The following HERC1 variants were observed in gnomAD, a reference collection of about 807,000 sequenced individuals.
HERC1 encodes probable E3 ubiquitin-protein ligase HERC1.
A neutral mutation model predicts 554.3 loss-of-function variants in HERC1; 160 were observed. The ratio of observed to expected loss-of-function variants is 0.29; its 90% CI spans 0.25 to 0.33. HERC1 has a LOEUF of 0.33. Among genes scored for constraint, HERC1 ranks in the 10% least tolerant of loss-of-function variants. The pLI is 1.00. For synonymous variants in HERC1, 2,175 were observed against 2,131.7 expected, an observed-to-expected ratio of 1.02 and a Z score of -0.56; for missense variants, 4,919 against 5,918.5, an observed-to-expected ratio of 0.83 and a Z score of 5.54.
intron 1 of HERC1, among the ~76,000 whole-genome samples, chr15:63,820,747 T>G (rs1328629543): frequency 6.6e-6 from 1 of 152,190 alleles, no homozygotes; most frequent in Non-Finnish European, 1.5e-5. Flanking sequence ...TGAACTCCTG[T>G]GCTCAAGCAG....
intron 1 of HERC1, among the ~76,000 whole-genome samples, chr15:63,813,046 A>G (rs906681562): frequency 6.6e-6 from 1 of 152,220 alleles, no homozygotes; most frequent in Non-Finnish European, 1.5e-5. Flanking sequence ...TCAACTTACA[A>G]TCAACGATAT....
rs936965128 is a variant in HERC1 at position 63,776,491 on chromosome 15, C to A, written c.-26-842G>T. On this transcript the variant is annotated intron_variant, in intron 1 of 77. Transcript: ENST00000443617. ...ACATATATCTAACCCTATGACCCAA[C>A]AATTCCTCTTCTAAAGATTTATCCA... Among the ~76,000 whole-genome samples, 6 of 152,316 alleles carry A rather than the reference C, an allele frequency of 3.9e-5. No individual in the cohort carries two copies. In the East Asian group the frequency reaches 1.2e-3, roughly 29 times the overall value.
At position 63,725,408 on chromosome 15, in the gene HERC1, C is replaced by G; in HGVS notation, c.3452G>C (p.Arg1151Pro). ...LERTIALLIG[R>P]CLGGMLQGSP... ...GCCCTGAAGCATGCCACCAAGACAC[C>G]GCCCAATAAGGAGAGCAATTGTTCT... The change falls in exon 18 of 78, where the codon CGG becomes CCG. Residue 1151 changes from arginine (R) to proline (P), a missense_variant. Physicochemically the swap from Arg to Pro is moderately radical, Grantham distance 103. This residue lies in a region of HERC1 where 1,121 missense variants were observed against 1,244.0 expected (regional missense o/e 0.90). Coordinates refer to ENST00000443617, the MANE Select transcript of HERC1 (RefSeq NM_003922.4). 1 of 1,613,866 alleles carries G rather than the reference C, an allele frequency of 6.2e-7. No homozygotes were observed. Among genetic ancestry groups the G allele is most frequent in the Non-Finnish European group, 8.5e-7 (1 of 1,179,840 alleles).
chr15:63,755,382 T>C (rs953956399), intron 5 of HERC1, 57 bp from the exon 6 acceptor site: 2 of 1,241,954 alleles, frequency 1.6e-6, no homozygotes, highest in South Asian at 1.2e-5. Flanking sequence ...ATATAGTCCG[T>C]ATTTGATCCT....
Position 63,809,166 on chromosome 15 carries a change from G to T in HERC1, c.-27+24661C>A, listed in dbSNP as rs534295196. Among the ~76,000 whole-genome samples the T allele has an allele frequency of 3.3e-5, 5 of 152,276 alleles. No homozygotes were observed. In the East Asian group the frequency reaches 9.6e-4, roughly 29 times the overall value. The stretch of plus-strand genomic sequence containing the variant: ...ATCAAAAGAAATAGGGATGGAGGGG[G>T]AAGACACAATAGTATCAACCACTGA... On this transcript the variant is annotated intron_variant, in intron 1 of 77. Transcript: ENST00000443617.
At position 63,734,044 on chromosome 15, in the gene HERC1, G is replaced by C. The variant is rs1278420779; in HGVS notation, c.2646+680C>G. On this transcript the variant is annotated intron_variant, in intron 13 of 77. Coordinates refer to ENST00000443617, the MANE Select transcript of HERC1 (RefSeq NM_003922.4). The surrounding 1 kb of genome is among the most constrained non-coding windows in gnomAD (Gnocchi z 4.6). ...TAGCCGGGTGTGGTGGCACGTGCCAGCAGTCTTAGCTACTCCAGAGGCCAA... is the reference window on the plus strand; with the variant it reads ...TAGCCGGGTGTGGTGGCACGTGCCACCAGTCTTAGCTACTCCAGAGGCCAA... Among the ~76,000 whole-genome samples, 1 of 152,034 alleles carries C rather than the reference G, an allele frequency of 6.6e-6. No individual in the cohort carries two copies. Among genetic ancestry groups the C allele is most frequent in the African/African-American group, 2.4e-5 (1 of 41,388 alleles).
At chr15:63,785,742 C>G (rs914244170) in intron 1 of HERC1, among the ~76,000 whole-genome samples, 1 of 151,786 alleles carries the variant, frequency 6.6e-6, no homozygotes, top group Non-Finnish European at 1.5e-5. Flanking sequence ...ACACTGCAGC[C>G]TGGTCAACAG....
chr15:63,628,154 G>A (rs1436424862), intron 70 of HERC1, among the ~76,000 whole-genome samples: 1 of 152,174 alleles, frequency 6.6e-6, no homozygotes, highest in Non-Finnish European at 1.5e-5. Context: ...ACTTTGGGAG[G>A]CTGAGGCGGG....
Position 63,747,848 on chromosome 15 carries a change from C to T in HERC1, c.2230G>A (p.Ala744Thr). Residue 744 changes from alanine (A) to threonine (T), a missense_variant, in exon 11 of 78, where the codon GCA (alanine) becomes ACA (threonine). By Grantham distance (58) the Ala-to-Thr change is moderately conservative. Transcript: ENST00000443617. ...TCTACACAATAAGGTCGGTGCCATG[C>T]AACAACTTGTCTAGAAGGACACATA... is the stretch of plus-strand genomic sequence containing the variant. ...TALPRDRQVV[A>T]WHRPYCVDLE... 6.5e-7 allele frequency: 1 copy of T among 1,547,600 alleles called. No homozygotes were observed. The highest frequency in any genetic ancestry group is 8.7e-7 in the Non-Finnish European group (1 of 1,144,982).
chr15:63,710,763 G>A (rs2073250575), intron 24 of HERC1, among the ~76,000 whole-genome samples: 1 of 152,284 alleles, frequency 6.6e-6, no homozygotes, highest in South Asian at 2.1e-4. Context: ...AGAAAGAGAG[G>A]GAGTTAGCCA....
At chr15:63,616,791 C>T (rs1263007311) in intron 74 of HERC1, 109 bp from the exon 75 acceptor site, 3 of 941,938 alleles carry the variant, frequency 3.2e-6, no homozygotes, top group Non-Finnish European at 3.2e-6. Context: ...TTCAATATGG[C>T]ATCCATTAGC....
chr15:63,690,771 C>G (rs2072059424), intron 31 of HERC1, 124 bp from the exon 32 acceptor site: 1 of 635,816 alleles, frequency 1.6e-6, no homozygotes, highest in African/African-American at 1.8e-5. Flanking sequence ...TGATTTCAAA[C>G]TATTATCGCA....
intron 1 of HERC1, among the ~76,000 whole-genome samples, chr15:63,823,986 G>A (rs940943626): frequency 5.3e-5 from 8 of 152,176 alleles, no homozygotes; most frequent in African/African-American, 1.7e-4. Context: ...ATTTTAAGAC[G>A]GGCAAATGAC....
At chr15:63,675,169 G>C in intron 37 of HERC1, 52 bp from the exon 38 acceptor site, 3 of 1,460,948 alleles carry the variant, frequency 2.1e-6, no homozygotes, top group Non-Finnish European at 2.8e-6. Flanking sequence ...GGAAAGACGG[G>C]AGGAAGGTAC....
chr15:63,730,129 ATCAAGCTACT>A (rs1290946252), intron 14 of HERC1, among the ~76,000 whole-genome samples: 2 of 150,196 alleles, frequency 1.3e-5, no homozygotes, highest in Non-Finnish European at 3.0e-5. Context: ...GGTAAAATTC[ATCAAGCTACT>A]TCTATTTGTT....
intron 12 of HERC1, among the ~76,000 whole-genome samples, chr15:63,735,400 G>T (rs1419558155): frequency 4.3e-5 from 5 of 115,014 alleles, no homozygotes; most frequent in African/African-American, 6.6e-5. Flanking sequence ...GTTGTGGGGT[G>T]GGGGGAGGGG....
chr15:63,696,133 A>C lies in HERC1; in HGVS notation c.5112T>G (p.His1704Gln). The change falls in exon 27 of 78, where the codon CAT (histidine) becomes CAG (glutamine). Residue 1704 changes from histidine (H) to glutamine (Q), a missense_variant. By Grantham distance (24) the His-to-Gln change is conservative (BLOSUM62 0). This residue lies in a region of HERC1 where 1,121 missense variants were observed against 1,244.0 expected (regional missense o/e 0.90). Coordinates refer to ENST00000443617, the MANE Select transcript of HERC1 (RefSeq NM_003922.4). ...TGGKGESGRL[H>Q]HYQDGIRAAK... is the part of the protein sequence containing the mutation. Reference sequence around the variant, plus strand: ...GCAAGGTGTCACCTACCTGATAGTGATGCAATCGGCCACTCTCTCCCTTGC... The same window carrying C: ...GCAAGGTGTCACCTACCTGATAGTGCTGCAATCGGCCACTCTCTCCCTTGC... The C allele has an allele frequency of 6.2e-7, 1 of 1,611,326 alleles. No individual in the cohort carries two copies. Among genetic ancestry groups the C allele is most frequent in the Non-Finnish European group, 8.5e-7 (1 of 1,178,048 alleles).
At chr15:63,772,800 G>A (rs1325593777) in intron 2 of HERC1, among the ~76,000 whole-genome samples, 2 of 151,992 alleles carry the variant, frequency 1.3e-5, no homozygotes, top group African/African-American at 4.8e-5. Flanking sequence ...ACAAAGCACG[G>A]CATGCTTTTC....
intron 14 of HERC1, among the ~76,000 whole-genome samples, chr15:63,731,485 C>G (rs953507837): frequency 1.3e-5 from 2 of 152,068 alleles, no homozygotes; most frequent in Non-Finnish European, 2.9e-5. Context: ...TTCCTTATAA[C>G]TTTGGGAAAA....
Sources: allele counts gnomAD v4.1 joint callset (sites outside exome capture counted in the v4.1 genomes callset), GRCh38; gene constraint gnomAD v4.1.1; regional missense constraint gnomAD v4.1.1; non-coding constraint Gnocchi (gnomAD v3.1); transcripts MANE v1.5; gene names NCBI Gene and HGNC (gene_info 2026-07-23, HGNC 2026-07-21).